The following BCHE variants were observed in gnomAD, a reference collection of about 807,000 sequenced individuals.
BCHE encodes butyrylcholinesterase, also known as cholinesterase.
Under a neutral mutation model 51.3 loss-of-function variants are expected in BCHE, and 48 were observed. That is an observed-to-expected ratio of 0.94 (90% CI 0.74 to 1.19). The LOEUF (loss-of-function observed/expected upper bound fraction) is 1.19, where lower values mean the gene tolerates loss of function less well. BCHE is among the 50% of genes most tolerant of loss of function. BCHE has a pLI of 0.00. For missense variants in BCHE, 847 were observed against 708.2 expected, an observed-to-expected ratio of 1.20 and a Z score of -2.23; for synonymous variants, 251 against 238.0, an observed-to-expected ratio of 1.05 and a Z score of -0.50.
chr3:165,774,554 G>T (rs1190190783), intron 3 of BCHE, among the ~76,000 whole-genome samples: 2 of 151,994 alleles, frequency 1.3e-5, no homozygotes, highest in African/African-American at 4.8e-5. Context: ...TGGCCAGGCT[G>T]GTCTCGACCT....
At chr3:165,823,991 A>G (rs1576667982) in intron 2 of BCHE, among the ~76,000 whole-genome samples, 1 of 148,148 alleles carries the variant, frequency 6.8e-6, no homozygotes, top group Middle Eastern at 3.5e-3. Flanking sequence ...TGCTCAGGCT[A>G]GTCTATAACT....
At chr3:165,794,636 A>C (rs949205236) in intron 2 of BCHE, among the ~76,000 whole-genome samples, 2 of 152,248 alleles carry the variant, frequency 1.3e-5, no homozygotes, top group East Asian at 1.9e-4. Context: ...CTCATCACCT[A>C]ATCACTTTCC....
At chr3:165,831,133 G>A in intron 1 of BCHE, 92 bp from the exon 2 acceptor site, 1 of 1,139,132 alleles carries the variant, frequency 8.8e-7, no homozygotes. Context: ...ATAGTCGTTA[G>A]TAATTCTACA....
At chr3:165,790,418 C>G (rs1560006496) in intron 2 of BCHE, among the ~76,000 whole-genome samples, 1 of 152,132 alleles carries the variant, frequency 6.6e-6, no homozygotes. Context: ...CCAAGATGCT[C>G]TATGTGTCTC....
chr3:165,773,892 A>G (rs1314349010), intron 3 of BCHE, among the ~76,000 whole-genome samples: 1 of 152,112 alleles, frequency 6.6e-6, no homozygotes, highest in South Asian at 2.1e-4. Context: ...TCATTTACAT[A>G]TATAGTTATA....
At chr3:165,818,570 A>G (rs1044585636) in intron 2 of BCHE, among the ~76,000 whole-genome samples, 2 of 152,156 alleles carry the variant, frequency 1.3e-5, no homozygotes, top group Admixed American at 6.6e-5. Context: ...ATATTAATGC[A>G]TTTTACACAG....
At chr3:165,812,524 G>T (rs995554600) in intron 2 of BCHE, among the ~76,000 whole-genome samples, 2 of 151,776 alleles carry the variant, frequency 1.3e-5, no homozygotes, top group African/African-American at 4.8e-5. Context: ...TTTAGCATGG[G>T]CATTTACAAT....
intron 2 of BCHE, among the ~76,000 whole-genome samples, chr3:165,794,747 A>G (rs1187242209): frequency 6.6e-6 from 1 of 152,104 alleles, no homozygotes; most frequent in African/African-American, 2.4e-5. Flanking sequence ...AGAGCAGACA[A>G]ACATGTGTGT....
chr3:165,824,618 A>C (rs1236663501), intron 2 of BCHE, among the ~76,000 whole-genome samples: 3 of 152,016 alleles, frequency 2.0e-5, no homozygotes, highest in African/African-American at 7.2e-5. Context: ...CCCATCATTC[A>C]CAGAAAATAG....
chr3:165,831,238 A>G (rs1001264726), intron 1 of BCHE, among the ~76,000 whole-genome samples, 197 bp from the exon 2 acceptor site: 1 of 152,188 alleles, frequency 6.6e-6, no homozygotes, highest in Admixed American at 6.6e-5. Flanking sequence ...AAAAAAAAAT[A>G]GTGGAATGGA....
intron 2 of BCHE, among the ~76,000 whole-genome samples, chr3:165,798,984 A>C (rs1318975262): frequency 6.6e-6 from 1 of 152,144 alleles, no homozygotes; most frequent in Non-Finnish European, 1.5e-5. Context: ...CAAATAATAC[A>C]GTTTTTAGGA....
At chr3:165,793,972 G>A (rs766819657) in intron 2 of BCHE, among the ~76,000 whole-genome samples, 2 of 151,848 alleles carry the variant, frequency 1.3e-5, no homozygotes, top group Non-Finnish European at 2.9e-5. Context: ...GCTTGAACCC[G>A]GGAGGCAGAG....
intron 1 of BCHE, among the ~76,000 whole-genome samples, chr3:165,836,368 A>G (rs1202559972): frequency 2.0e-5 from 3 of 151,998 alleles, no homozygotes; most frequent in Non-Finnish European, 4.4e-5. Context: ...GTTTATATTA[A>G]GGAAGGCATT....
At chr3:165,774,829 T>C (rs73024290) in intron 3 of BCHE, among the ~76,000 whole-genome samples, 14,630 of 152,244 alleles carry the variant, frequency 0.096, 766 homozygotes, top group Admixed American at 0.14. Context: ...GAACCACTAA[T>C]GGTCTATATA....
chr3:165,799,233 A>T (rs149235745), intron 2 of BCHE, among the ~76,000 whole-genome samples: 285 of 152,232 alleles, frequency 1.9e-3, no homozygotes, highest in African/African-American at 6.7e-3. Context: ...ACAGATTTCA[A>T]CTTGGAATCA....
At chr3:165,795,783 C>A (rs1245020015) in intron 2 of BCHE, among the ~76,000 whole-genome samples, 1 of 152,056 alleles carries the variant, frequency 6.6e-6, no homozygotes, top group Admixed American at 6.5e-5. Flanking sequence ...AGGATGATTT[C>A]TTGTATCTAA....
Position 165,773,349 on chromosome 3 carries a change from G to T in BCHE, c.*33C>A. 2 of 1,595,908 alleles carry T rather than the reference G, an allele frequency of 1.3e-6. No homozygotes were observed. Among genetic ancestry groups the T allele is most frequent in the African/African-American group, 1.3e-5 (1 of 74,512 alleles). On this transcript the variant is annotated 3_prime_UTR_variant, in exon 4 of 4. Transcript: ENST00000264381. The stretch of plus-strand genomic sequence containing the variant: ...CTGATATTTTTGCCTTGATCTAAAG[G>T]AAAATATGTTCTATAAAGGGTAAAT...
rs771363401 is a variant in BCHE at position 165,773,421 on chromosome 3, G to A, written c.1770C>T (p.Asn590=). ...NYMMDWKNQF[N]DYTSKKESCV... The stretch of plus-strand genomic sequence containing the variant: ...AACTTTCTTTCTTGCTAGTGTAATC[G>A]TTAAATTGATTTTTCCAGTCCATCA... Residue 590 remains asparagine, a synonymous_variant, in exon 4 of 4, where the codon AAC becomes AAT. Coordinates refer to ENST00000264381, the MANE Select transcript of BCHE (RefSeq NM_000055.4). The A allele has an allele frequency of 1.0e-4, 165 of 1,610,370 alleles. No homozygotes were observed. The highest frequency in any genetic ancestry group is 3.4e-4 in the South Asian group (31 of 90,914).
Position 165,830,986 on chromosome 3 carries a change from A to G in BCHE, c.48T>C (p.Phe16=). The change falls in exon 2 of 4, where the codon TTT becomes TTC. Residue 16 remains phenylalanine (F), a synonymous_variant. Transcript: ENST00000264381. ...TIICIRFLFW[F]LLLCMLIGKS... The stretch of plus-strand genomic sequence containing the variant: ...TCCCAATAAGCATGCAGAGCAAAAG[A>G]AACCAAAAGAGAAATCTGATGCATA... 6 of 1,613,764 alleles carry G rather than the reference A, an allele frequency of 3.7e-6. No individual in the cohort carries two copies. Among genetic ancestry groups the G allele is most frequent in the Non-Finnish European group, 5.1e-6 (6 of 1,179,876 alleles).
Sources: allele counts gnomAD v4.1 joint callset (sites outside exome capture counted in the v4.1 genomes callset), GRCh38; gene constraint gnomAD v4.1.1; transcripts MANE v1.5; gene names NCBI Gene and HGNC (gene_info 2026-07-23, HGNC 2026-07-21).